Variants in BMP7 observed in about 807,000 individuals in gnomAD.
BMP7 encodes bone morphogenetic protein 7.
In BMP7, 12 loss-of-function variants were observed where a neutral mutation model predicts 41.2. That is an observed-to-expected ratio of 0.29 (90% CI 0.19 to 0.47). BMP7 has a LOEUF of 0.47. Among genes scored for constraint, BMP7 ranks in the 20% least tolerant of loss-of-function variants. BMP7 has a pLI of 0.99. For missense variants in BMP7, 467 were observed against 606.0 expected (o/e 0.77, Z 2.41); for synonymous variants, 248 against 250.0 (o/e 0.99, Z 0.07).
intron 3 of BMP7, among the ~76,000 whole-genome samples, chr20:57,186,831 T>A (rs1984222603): frequency 6.6e-6 from 1 of 152,148 alleles, no homozygotes. Flanking sequence ...AAGAACAAAT[T>A]TTCCCCCACC....
At chr20:57,225,480 C>T (rs1422438728) in intron 2 of BMP7, among the ~76,000 whole-genome samples, 1 of 152,042 alleles carries the variant, frequency 6.6e-6, no homozygotes, top group African/African-American at 2.4e-5. Context: ...GTATGTCACC[C>T]CCTTTCATCC....
rs1984140692 is a variant in BMP7 at position 57,183,673 on chromosome 20, C to T, written c.958+49G>A. 4 of 1,610,842 alleles carry T rather than the reference C, an allele frequency of 2.5e-6. No individual in the cohort carries two copies. The East Asian group carries it at 6.7e-5, about 27-fold the overall frequency. Reference sequence around the variant, plus strand: ...GTCTCCTGCCGGGTCCCGCCGGGGCCCTGCTGGGTTCCTGTGGTGGGTCTG... The same window carrying T: ...GTCTCCTGCCGGGTCCCGCCGGGGCTCTGCTGGGTTCCTGTGGTGGGTCTG... On this transcript the variant is annotated intron_variant, in intron 4 of 6. Coordinates refer to ENST00000395863, the MANE Select transcript of BMP7 (RefSeq NM_001719.3).
At chr20:57,177,193 GA>G (rs1302586617) in intron 4 of BMP7, among the ~76,000 whole-genome samples, 1 of 152,194 alleles carries the variant, frequency 6.6e-6, no homozygotes, top group Non-Finnish European at 1.5e-5. Context: ...GTGGAAAGCA[GA>G]AAGGAGAAAG....
intron 1 of BMP7, among the ~76,000 whole-genome samples, chr20:57,253,091 C>G (rs1018753771): frequency 1.3e-5 from 2 of 152,320 alleles, no homozygotes; most frequent in East Asian, 3.9e-4. Context: ...TCCCCCACCC[C>G]CTTCCATCCC....
intron 1 of BMP7, among the ~76,000 whole-genome samples, chr20:57,264,036 A>T (rs763799693): frequency 1.3e-5 from 2 of 152,174 alleles, no homozygotes; most frequent in African/African-American, 2.4e-5. Flanking sequence ...GTTCTAAATC[A>T]GGTCATATGT....
At chr20:57,247,749 G>T (rs2123137969) in intron 1 of BMP7, among the ~76,000 whole-genome samples, 1 of 152,194 alleles carries the variant, frequency 6.6e-6, no homozygotes, top group South Asian at 2.1e-4. Flanking sequence ...AAAATGCTTT[G>T]AGTCTCTTGC....
At chr20:57,173,476 G>A (rs547509078) in intron 5 of BMP7, 166 bp from the exon 6 acceptor site, 196 of 712,934 alleles carry the variant, frequency 2.7e-4, no homozygotes, top group Non-Finnish European at 4.5e-4. Context: ...GGAAACATGG[G>A]TGGCCTCTCA....
Position 57,214,030 on chromosome 20 carries a change from C to T in BMP7, c.612-11407G>A, listed in dbSNP as rs754286192. Among the ~76,000 whole-genome samples, 1 of 152,218 alleles carries T rather than the reference C, an allele frequency of 6.6e-6. No individual in the cohort carries two copies. Among genetic ancestry groups the T allele is most frequent in the Non-Finnish European group, 1.5e-5 (1 of 68,042 alleles). On this transcript the variant is annotated intron_variant, in intron 2 of 6. Transcript: ENST00000395863. This position sits in a 1 kb window ranked among gnomAD's most constrained non-coding sequence, Gnocchi z 4.0. ...CCTTGGCTCTAAAGTAAGATCACAGCTGCAGTGAGCTGACCCCAACTCAAG... is the reference window on the plus strand; with the variant it reads ...CCTTGGCTCTAAAGTAAGATCACAGTTGCAGTGAGCTGACCCCAACTCAAG...
chr20:57,250,547 A>G (rs2066108180), intron 1 of BMP7, among the ~76,000 whole-genome samples: 1 of 151,044 alleles, frequency 6.6e-6, no homozygotes, highest in African/African-American at 2.4e-5. Flanking sequence ...TCAAAAAAAA[A>G]AAAAAAAAGG....
Position 57,259,927 on chromosome 20 carries a change from C to T in BMP7, c.418+5778G>A, listed in dbSNP as rs115428997. Among the ~76,000 whole-genome samples the T allele has an allele frequency of 0.013, 1,904 of 151,954 alleles. 26 individuals carry two copies. The highest frequency in any genetic ancestry group is 0.044 in the African/African-American group (1,816 of 41,442). On this transcript the variant is annotated intron_variant, in intron 1 of 6. Transcript: ENST00000395863. The surrounding 1 kb of genome is among the most constrained non-coding windows in gnomAD (Gnocchi z 4.7). ...AGAAATACCAAGTCACATTTTTTGT[C>T]AATTATTATTTGTCAGATGCCATTT...
rs1019323582 is a variant in BMP7, at chr20:57,171,268, C to A, written c.1147-160G>T. Reference sequence around the variant, plus strand: ...CCCTGTTCTAAGCACTTTACATGGACAACTCAGTTCTGGGATTATCCCTGT... The same window carrying A: ...CCCTGTTCTAAGCACTTTACATGGAAAACTCAGTTCTGGGATTATCCCTGT... On this transcript the variant is annotated intron_variant, in intron 6 of 6. Coordinates refer to ENST00000395863, the MANE Select transcript of BMP7 (RefSeq NM_001719.3). This position sits in a 1 kb window ranked among gnomAD's most constrained non-coding sequence, Gnocchi z 4.5. Among the ~76,000 whole-genome samples the A allele has an allele frequency of 6.6e-6, 1 of 152,232 alleles. No homozygotes were observed. The highest frequency in any genetic ancestry group is 2.4e-5 in the African/African-American group (1 of 41,458).
At chr20:57,223,020 T>C (rs190450119) in intron 2 of BMP7, among the ~76,000 whole-genome samples, 1 of 151,726 alleles carries the variant, frequency 6.6e-6, no homozygotes, top group East Asian at 1.9e-4. Context: ...GAAGGGAACA[T>C]GGAATGTGTC....
At chr20:57,185,329 C>A (rs1163631671) in intron 3 of BMP7, among the ~76,000 whole-genome samples, 1 of 152,192 alleles carries the variant, frequency 6.6e-6, no homozygotes, top group African/African-American at 2.4e-5. Context: ...TCCAGTTTCC[C>A]CCAAAGGTGA....
intron 6 of BMP7, chr20:57,172,958 T>A: frequency 1.6e-6 from 1 of 608,648 alleles, no homozygotes; most frequent in Non-Finnish European, 2.9e-6. Flanking sequence ...CAACTTTTAG[T>A]TACTTTAAAA....
At chr20:57,172,636 T>TA in intron 6 of BMP7, among the ~76,000 whole-genome samples, 1 of 109,614 alleles carries the variant, frequency 9.1e-6, no homozygotes, top group Non-Finnish European at 1.9e-5. Flanking sequence ...ACAGCTCTTA[T>TA]CACTATGGTT....
chr20:57,220,889 C>T (rs182615551), intron 2 of BMP7, among the ~76,000 whole-genome samples: 1 of 152,312 alleles, frequency 6.6e-6, no homozygotes, highest in African/African-American at 2.4e-5. Flanking sequence ...GACGAACTAG[C>T]TCCAGGGCAA....
intron 4 of BMP7, chr20:57,177,834 G>A (rs1175529488): frequency 1.3e-5 from 2 of 152,210 alleles, no homozygotes; most frequent in African/African-American, 4.8e-5. Context: ...AGGAGCGCTT[G>A]CCCCTGGGTG....
chr20:57,227,860 G>C (rs999002403), intron 2 of BMP7, among the ~76,000 whole-genome samples: 1 of 152,004 alleles, frequency 6.6e-6, no homozygotes, highest in Non-Finnish European at 1.5e-5. Flanking sequence ...CACCTTAATT[G>C]GTTGCCTGAC....
At chr20:57,220,219 T>C (rs1207147289) in intron 2 of BMP7, among the ~76,000 whole-genome samples, 1 of 152,196 alleles carries the variant, frequency 6.6e-6, no homozygotes, top group African/African-American at 2.4e-5. Context: ...GGAAGAACCT[T>C]GAGTATTTAC....
Sources: gnomAD v4.1 joint callset for allele counts (sites outside exome capture counted in the v4.1 genomes callset) on GRCh38, gnomAD v4.1.1 for gene constraint, Gnocchi (gnomAD v3.1) non-coding constraint, MANE v1.5 for transcripts, NCBI Gene and HGNC (gene_info 2026-07-23, HGNC 2026-07-21) for gene names.